Variants in PRR5L observed in about 807,000 individuals in gnomAD.
PRR5L encodes the protein proline-rich protein 5-like.
A neutral mutation model predicts 36.4 loss-of-function variants in PRR5L; 21 were observed. The observed-to-expected ratio is 0.58, with a 90% CI of 0.41 to 0.83. The LOEUF (loss-of-function observed/expected upper bound fraction) is 0.83, where lower values mean the gene tolerates loss of function less well. Ranked by LOEUF, PRR5L falls within the 40% of genes least tolerant of loss-of-function variation. PRR5L has a pLI of 0.00. For synonymous variants in PRR5L, 188 were observed against 197.0 expected, an observed-to-expected ratio of 0.95 and a Z score of 0.38; for missense variants, 381 against 473.3, an observed-to-expected ratio of 0.80 and a Z score of 1.81.
intron 1 of PRR5L, among the ~76,000 whole-genome samples, chr11:36,372,267 G>C (rs142673948): frequency 1.3e-5 from 2 of 152,080 alleles, no homozygotes; most frequent in Non-Finnish European, 2.9e-5. Flanking sequence ...GCTCTGTGCG[G>C]GGTAGAAATG....
At chr11:36,407,927 CA>C (rs1391974794) in intron 3 of PRR5L, among the ~76,000 whole-genome samples, 7 of 152,124 alleles carry the variant, frequency 4.6e-5, no homozygotes, top group Admixed American at 3.3e-4. Flanking sequence ...TGAGGATGGT[CA>C]AATTCTAAAA....
intron 8 of PRR5L, among the ~76,000 whole-genome samples, chr11:36,459,795 C>G (rs565579627): frequency 1.4e-4 from 21 of 152,280 alleles, no homozygotes; most frequent in African/African-American, 5.1e-4. Context: ...TCATTTTATC[C>G]ACCCAGCATA....
In PRR5L at chr11:36,369,844, G is replaced by A. The variant is rs183459969; in HGVS notation, c.-125-31153G>A. Reference sequence around the variant, plus strand: ...ACTCCTGACCTCAGGTGATCCACCCGCCTTGGCCTCCCAAAATGCTGGGAT... The same window carrying A: ...ACTCCTGACCTCAGGTGATCCACCCACCTTGGCCTCCCAAAATGCTGGGAT... On this transcript the variant is annotated intron_variant, in intron 1 of 8. Coordinates refer to ENST00000530639, the MANE Select transcript of PRR5L (RefSeq NM_001160167.2). Among the ~76,000 whole-genome samples the A allele has an allele frequency of 6.4e-3, 971 of 152,162 alleles. 9 individuals are homozygous for A. Among genetic ancestry groups the A allele is most frequent in the African/African-American group, 0.022 (928 of 41,532 alleles).
intron 1 of PRR5L, among the ~76,000 whole-genome samples, chr11:36,301,387 G>A (rs952525806): frequency 3.9e-5 from 6 of 152,314 alleles, no homozygotes; most frequent in African/African-American, 1.2e-4. Context: ...CAGGGAGAGG[G>A]GTGAGGGAAG....
intron 1 of PRR5L, among the ~76,000 whole-genome samples, chr11:36,313,475 T>G (rs1856524417): frequency 6.6e-6 from 1 of 152,222 alleles, no homozygotes; most frequent in Non-Finnish European, 1.5e-5. Flanking sequence ...TCCTGGTCCC[T>G]GCGTTCTGAC....
chr11:36,349,383 T>A (rs1590466929), intron 1 of PRR5L, among the ~76,000 whole-genome samples: 1 of 151,904 alleles, frequency 6.6e-6, no homozygotes, highest in East Asian at 1.9e-4. Context: ...TGTACTTGCC[T>A]CTTTCTGGCA....
At chr11:36,386,538 G>T (rs887487972) in intron 1 of PRR5L, 1 of 152,232 alleles carries the variant, frequency 6.6e-6, no homozygotes, top group Non-Finnish European at 1.5e-5. Flanking sequence ...TGCTTGAGGG[G>T]CAGAGTCCTC....
intron 1 of PRR5L, chr11:36,388,034 G>A (rs529726207): frequency 6.6e-5 from 10 of 152,202 alleles, no homozygotes; most frequent in African/African-American, 2.4e-4. Context: ...GCCAGGGCAG[G>A]TGCTGGTAGT....
intron 1 of PRR5L, chr11:36,362,274 C>A (rs749461894): frequency 3.9e-5 from 6 of 152,010 alleles, no homozygotes; most frequent in Non-Finnish European, 8.8e-5. Flanking sequence ...CTCACTGAAA[C>A]GGATCCCTCC....
chr11:36,380,836 C>A (rs1444258654), intron 1 of PRR5L, among the ~76,000 whole-genome samples: 2 of 151,976 alleles, frequency 1.3e-5, no homozygotes, highest in African/African-American at 4.8e-5. Context: ...ATTTCTGGAG[C>A]AGGATAATAA....
chr11:36,323,263 G>A (rs1261982185), intron 1 of PRR5L: 2 of 152,224 alleles, frequency 1.3e-5, no homozygotes, highest in Non-Finnish European at 2.9e-5. Context: ...TAGACTAGTA[G>A]GAAGTGGGTT....
rs776196482 is a variant in PRR5L, at chr11:36,367,947, G to A, written c.-125-33050G>A. Among the ~76,000 whole-genome samples, 11 of 152,010 alleles carry A rather than the reference G, an allele frequency of 7.2e-5. No homozygotes were observed. The South Asian group carries it at 8.3e-4, about 11-fold the overall frequency. ...GCCGTGGGTTAAGATAGTATATCTC[G>A]GGGGAGCTGAAGATTTGTGGGAGCC... is the stretch of plus-strand genomic sequence containing the variant. On this transcript the variant is annotated intron_variant, in intron 1 of 8. Transcript: ENST00000530639.
chr11:36,403,197 T>G, intron 2 of PRR5L, 101 bp from the exon 3 acceptor site: 4 of 935,686 alleles, frequency 4.3e-6, no homozygotes, highest in Admixed American at 4.0e-5. Flanking sequence ...GTTTGTGCTA[T>G]GAGCTTCCTG....
chr11:36,304,771 T>A (rs140014612), intron 1 of PRR5L, among the ~76,000 whole-genome samples: 2,326 of 152,318 alleles, frequency 0.015, 58 homozygotes, highest in African/African-American at 0.053. Context: ...ACATTGAAAG[T>A]CATGGTAATA....
chr11:36,356,473 T>C (rs972566762), intron 1 of PRR5L, among the ~76,000 whole-genome samples: 41 of 152,200 alleles, frequency 2.7e-4, no homozygotes, highest in African/African-American at 9.4e-4. Context: ...TGTTTTATTC[T>C]GCTTCGGTTT....
intron 8 of PRR5L, among the ~76,000 whole-genome samples, chr11:36,451,818 C>T (rs1858951201): frequency 6.6e-6 from 1 of 152,140 alleles, no homozygotes. Flanking sequence ...TCTGTAGGTA[C>T]CACCACATGG....
intron 1 of PRR5L, among the ~76,000 whole-genome samples, chr11:36,298,668 A>G (rs539155773): frequency 1.3e-5 from 2 of 152,316 alleles, no homozygotes; most frequent in African/African-American, 4.8e-5. Context: ...CTGGTTCCTA[A>G]CAGACCACAG....
chr11:36,363,333 G>A (rs950160276), intron 1 of PRR5L, among the ~76,000 whole-genome samples: 2 of 152,176 alleles, frequency 1.3e-5, no homozygotes, highest in African/African-American at 4.8e-5. Flanking sequence ...GAGTGCTTTC[G>A]AAGTGTGAGG....
chr11:36,446,449 G>C lies in PRR5L; in HGVS notation c.585+9G>C. On this transcript the variant is annotated intron_variant, in intron 7 of 8. Transcript: ENST00000530639. ...TGTTGCTCATCCTGCAGGTGAGGCT[G>C]TGCTGGAGACTTGCCCCAAGGCAGA... 1 of 1,613,776 alleles carries C rather than the reference G, an allele frequency of 6.2e-7. No individual in the cohort carries two copies. The highest frequency in any genetic ancestry group is 2.2e-5 in the East Asian group (1 of 44,882).
Sources: allele counts gnomAD v4.1 joint callset (sites outside exome capture counted in the v4.1 genomes callset), GRCh38; gene constraint gnomAD v4.1.1; transcripts MANE v1.5; gene names NCBI Gene and HGNC (gene_info 2026-07-23, HGNC 2026-07-21).